Variants in RASGEF1C observed in about 807,000 individuals in gnomAD.
RASGEF1C encodes the protein ras-GEF domain-containing family member 1C.
In RASGEF1C, 27 loss-of-function variants were observed where a neutral mutation model predicts 58.1. That is an observed-to-expected ratio of 0.46 (90% confidence interval 0.34 to 0.64). The LOEUF is 0.64. Ranked by LOEUF, RASGEF1C falls within the 30% of genes least tolerant of loss-of-function variation. The pLI is 0.01. For missense variants in RASGEF1C, 502 were observed against 605.1 expected (o/e 0.83, Z 1.79); for synonymous variants, 243 against 246.3 (o/e 0.99, Z 0.13).
At position 180,119,537 on chromosome 5, in the gene RASGEF1C, T is replaced by A. The variant is rs1357255330; in HGVS notation, c.805-89A>T. 9.4e-6 allele frequency: 9 copies of A among 961,264 alleles called. No individual in the cohort carries two copies. In the Admixed American group the frequency reaches 1.8e-4, roughly 19 times the overall value. 59.5% of individuals were successfully genotyped at this position (961,264 alleles called of 1,614,324 possible). A position where few individuals can be genotyped will look rare whatever the true frequency, so the allele number is the denominator to read the frequency against. ...TCCCCTCACCTGGCCCGCTTCACCT[T>A]CTCTAAACCCATTGCACAGCTGAGG... On this transcript the variant is annotated intron_variant, in intron 7 of 13. Coordinates refer to ENST00000361132, the MANE Select transcript of RASGEF1C (RefSeq NM_175062.4).
At chr5:180,170,118 C>T (rs948302465) in intron 1 of RASGEF1C, among the ~76,000 whole-genome samples, 1 of 152,232 alleles carries the variant, frequency 6.6e-6, no homozygotes, top group African/African-American at 2.4e-5. Context: ...TTCCTGCTCG[C>T]GGCTGCACCC....
intron 1 of RASGEF1C, among the ~76,000 whole-genome samples, chr5:180,167,239 C>T (rs549088067): frequency 6.6e-6 from 1 of 152,138 alleles, no homozygotes; most frequent in Non-Finnish European, 1.5e-5. Flanking sequence ...CCCCCAGAGG[C>T]CTGAGGCTCT....
intron 11 of RASGEF1C, among the ~76,000 whole-genome samples, chr5:180,113,837 CCGAGGATGGATGGAGGGAT>C (rs1766017247): frequency 6.7e-6 from 1 of 149,442 alleles, no homozygotes; most frequent in Non-Finnish European, 1.5e-5. Flanking sequence ...GATGGAGGGA[CCGAGGATGGATGGAGGGAT>C]CGAGGATAGA....
intron 1 of RASGEF1C, among the ~76,000 whole-genome samples, chr5:180,200,746 A>C (rs887441631): frequency 4.6e-5 from 7 of 152,078 alleles, no homozygotes; most frequent in African/African-American, 1.7e-4. Flanking sequence ...AGGAGAGCAA[A>C]TAAAACCATC....
In RASGEF1C at chr5:180,137,815, G is replaced by C. The variant is rs1161770039; in HGVS notation, c.177+61C>G. On this transcript the variant is annotated intron_variant, in intron 2 of 13. Transcript: ENST00000361132. The surrounding 1 kb of genome is among the most constrained non-coding windows in gnomAD (Gnocchi z 4.1). ...CTGGCCCAAGGTCACGCCCAACCCT[G>C]ATGCCCCCCGTGCGTGGTGGAGGAG... is the stretch of plus-strand genomic sequence containing the variant. The C allele has an allele frequency of 8.7e-6, 14 of 1,602,320 alleles. No homozygotes were observed. The highest frequency in any genetic ancestry group is 3.4e-5 in the Admixed American group (2 of 58,574).
chr5:180,162,832 T>G (rs1389690148), intron 1 of RASGEF1C, among the ~76,000 whole-genome samples: 1 of 152,212 alleles, frequency 6.6e-6, no homozygotes, highest in African/African-American at 2.4e-5. Flanking sequence ...ATACCTTTAC[T>G]ACGTTGAGTC....
At chr5:180,147,689 T>A (rs954749277) in intron 1 of RASGEF1C, among the ~76,000 whole-genome samples, 5 of 152,210 alleles carry the variant, frequency 3.3e-5, no homozygotes, top group Admixed American at 6.5e-5. Context: ...TCTTTTAAAA[T>A]TTATTGAGGC....
chr5:180,138,854 C>G (rs957459740), intron 1 of RASGEF1C, among the ~76,000 whole-genome samples: 1 of 152,196 alleles, frequency 6.6e-6, no homozygotes, highest in Admixed American at 6.5e-5. Context: ...TGCAGGAAGG[C>G]TCTCCCACCA....
chr5:180,203,469 A>G (rs1756430375), intron 1 of RASGEF1C, among the ~76,000 whole-genome samples: 1 of 152,208 alleles, frequency 6.6e-6, no homozygotes, highest in African/African-American at 2.4e-5. Flanking sequence ...AGCTCTAAAT[A>G]TAACTACAAA....
chr5:180,174,925 C>T (rs917137680), intron 1 of RASGEF1C, among the ~76,000 whole-genome samples: 1 of 152,218 alleles, frequency 6.6e-6, no homozygotes, highest in African/African-American at 2.4e-5. Flanking sequence ...ACCCCTCTTG[C>T]AGACTTGAAC....
Position 180,194,093 on chromosome 5 carries a change from G to A in RASGEF1C, c.-7+14935C>T, listed in dbSNP as rs140648508. Among the ~76,000 whole-genome samples the A allele has an allele frequency of 9.1e-3, 1,384 of 152,038 alleles. 40 individuals carry two copies. The South Asian group carries it at 0.094, about 10-fold the overall frequency. On this transcript the variant is annotated intron_variant, in intron 1 of 13. Coordinates refer to ENST00000361132, the MANE Select transcript of RASGEF1C (RefSeq NM_175062.4). ...CTGAAAGTCCACTGGGCCTGGATGC[G>A]GTGTGACCTTGGGGTGTCCTCCCTG...
chr5:180,130,390 T>C (rs1034694279), intron 4 of RASGEF1C, among the ~76,000 whole-genome samples: 1 of 152,108 alleles, frequency 6.6e-6, no homozygotes, highest in African/African-American at 2.4e-5. Context: ...GCTGGGAAGA[T>C]GGGGAGTGGG....
intron 11 of RASGEF1C, among the ~76,000 whole-genome samples, chr5:180,112,950 TGGAC>T (rs1765985131): frequency 2.1e-5 from 3 of 141,538 alleles, no homozygotes; most frequent in African/African-American, 2.7e-5. Context: ...GGACCGGGGA[TGGAC>T]GGAGGGACCG....
intron 1 of RASGEF1C, among the ~76,000 whole-genome samples, chr5:180,174,616 GTC>G (rs71956057): frequency 0.55 from 45,398 of 82,804 alleles, 7,807 homozygotes; most frequent in South Asian, 0.62. Flanking sequence ...GCATGTGTGT[GTC>G]TGTGTGTGTG....
At chr5:180,129,657 C>T (rs1355475816) in intron 4 of RASGEF1C, among the ~76,000 whole-genome samples, 1 of 152,232 alleles carries the variant, frequency 6.6e-6, no homozygotes, top group Non-Finnish European at 1.5e-5. Context: ...ATGATGCCGA[C>T]TGCCACCCTT....
chr5:180,121,637 TCACACACA>T (rs762495633), intron 6 of RASGEF1C, among the ~76,000 whole-genome samples: 145 of 113,352 alleles, frequency 1.3e-3, no homozygotes, highest in African/African-American at 3.7e-3. Flanking sequence ...AAATGTAACT[TCACACACA>T]CACACACACA....
intron 1 of RASGEF1C, among the ~76,000 whole-genome samples, chr5:180,176,528 A>G (rs1201442671): frequency 2.6e-5 from 4 of 151,128 alleles, no homozygotes; most frequent in Non-Finnish European, 5.9e-5. Flanking sequence ...CTCAGGTAAC[A>G]GAGGGCCTTG....
intron 1 of RASGEF1C, among the ~76,000 whole-genome samples, chr5:180,199,169 C>G (rs541098714): frequency 3.7e-4 from 57 of 152,264 alleles, no homozygotes; most frequent in African/African-American, 1.3e-3. Context: ...CCTAGAGAAG[C>G]ATCACATTCT....
At chr5:180,149,750 A>G (rs1727052461) in intron 1 of RASGEF1C, among the ~76,000 whole-genome samples, 1 of 152,162 alleles carries the variant, frequency 6.6e-6, no homozygotes, top group African/African-American at 2.4e-5. Context: ...CACTGCGCCC[A>G]GCCGAGGACC....
Sources: gnomAD v4.1 joint callset for allele counts (sites outside exome capture counted in the v4.1 genomes callset) on GRCh38, gnomAD v4.1.1 for gene constraint, Gnocchi (gnomAD v3.1) non-coding constraint, MANE v1.5 for transcripts, NCBI Gene and HGNC (gene_info 2026-07-23, HGNC 2026-07-21) for gene names.